The following FBN2 variants were observed in gnomAD, a reference collection of about 807,000 sequenced individuals.
FBN2 encodes fibrillin-2.
A neutral mutation model predicts 355.6 loss-of-function variants in FBN2; 105 were observed. The ratio of observed to expected loss-of-function variants is 0.30; its 90% confidence interval spans 0.25 to 0.35. The LOEUF (loss-of-function observed/expected upper bound fraction) is 0.35. Ranked by LOEUF, FBN2 falls within the 10% of genes least tolerant of loss-of-function variation. FBN2 has a pLI of 1.00. For missense variants in FBN2, 3,280 were observed against 3,758.7 expected, an observed-to-expected ratio of 0.87 and a Z score of 3.33; for synonymous variants, 1,350 against 1,301.2, an observed-to-expected ratio of 1.04 and a Z score of -0.81.
chr5:128,312,765 A>G lies in FBN2; in HGVS notation c.4748T>C (p.Phe1583Ser), dbSNP rs1437911516. 3.1e-6 allele frequency: 5 copies of G among 1,613,744 alleles called. No homozygotes were observed. Among genetic ancestry groups the G allele is most frequent in the Non-Finnish European group, 4.2e-6 (5 of 1,180,002 alleles). The change falls in exon 37 of 65, where the codon TTT becomes TCT. Residue 1583 changes from phenylalanine (F) to serine (S), a missense_variant. By Grantham distance (155) the Phe-to-Ser change is radical. This residue lies in a region of FBN2 where 2,284 missense variants were observed against 2,749.5 expected (regional missense o/e 0.83). Transcript: ENST00000262464. ...CAGACTCCCATCTCCTCGAGGTCCA[A>G]ACTTCAGGTAGCAGTTGCCCACACG... ...DNRVGNCYLK[F>S]GPRGDGSLSC... is the part of the protein sequence containing the mutation.
At chr5:128,484,530 A>G (rs1428522234) in intron 5 of FBN2, among the ~76,000 whole-genome samples, 1 of 152,246 alleles carries the variant, frequency 6.6e-6, no homozygotes, top group African/African-American at 2.4e-5. Flanking sequence ...AAGAGAATAC[A>G]AATGGTTGGT....
At chr5:128,431,507 A>G (rs1264699468) in intron 7 of FBN2, among the ~76,000 whole-genome samples, 1 of 152,214 alleles carries the variant, frequency 6.6e-6, no homozygotes, top group African/African-American at 2.4e-5. Flanking sequence ...TTGAGGTACA[A>G]CAGCAAAACC....
chr5:128,384,575 C>T (rs1396477), intron 11 of FBN2, among the ~76,000 whole-genome samples: 16,294 of 152,048 alleles, frequency 0.11, 1,004 homozygotes, highest in African/African-American at 0.16. Context: ...TCATGAACAC[C>T]TATGATATAA....
At chr5:128,262,672 C>T (rs779015888) in intron 63 of FBN2, among the ~76,000 whole-genome samples, 1 of 152,114 alleles carries the variant, frequency 6.6e-6, no homozygotes, top group Non-Finnish European at 1.5e-5. Flanking sequence ...GTAGACCAAG[C>T]CTTTTGTTTT....
chr5:128,318,057 C>T (rs2126853560), intron 36 of FBN2, 92 bp downstream of exon 36: 1 of 1,349,200 alleles, frequency 7.4e-7, no homozygotes, highest in East Asian at 2.3e-5. Flanking sequence ...TTTAAGTTAA[C>T]TGTAGCAAAC....
intron 6 of FBN2, among the ~76,000 whole-genome samples, chr5:128,448,097 G>C (rs987998411): frequency 1.3e-5 from 2 of 152,056 alleles, no homozygotes; most frequent in Non-Finnish European, 2.9e-5. Context: ...GGACATTGAG[G>C]ACTCAGATTC....
Position 128,530,594 on chromosome 5 carries a change from C to A in FBN2, c.436+1G>T. 1 of 1,604,210 alleles carries A rather than the reference C, an allele frequency of 6.2e-7. No homozygotes were observed. Among genetic ancestry groups the A allele is most frequent in the Non-Finnish European group, 8.5e-7 (1 of 1,171,150 alleles). The stretch of plus-strand genomic sequence containing the variant: ...GAAAAGGCCACAAGTAAGAAACATA[C>A]TTGATTTTGATCCACAGGTTGATGA... On this transcript the variant is annotated splice_donor_variant, in intron 3 of 64. Transcript: ENST00000262464. LOFTEE classifies it high-confidence loss of function.
chr5:128,464,007 A>G (rs1195183291), intron 6 of FBN2, among the ~76,000 whole-genome samples: 1 of 152,242 alleles, frequency 6.6e-6, no homozygotes, highest in Non-Finnish European at 1.5e-5. Flanking sequence ...GATTTAAGAC[A>G]TTTGATATCA....
At chr5:128,443,610 C>A (rs1293816085) in intron 7 of FBN2, among the ~76,000 whole-genome samples, 1 of 152,128 alleles carries the variant, frequency 6.6e-6, no homozygotes, top group Non-Finnish European at 1.5e-5. Flanking sequence ...AAGGATACCA[C>A]CATTTTCCTA....
intron 63 of FBN2, among the ~76,000 whole-genome samples, chr5:128,263,162 A>T (rs1305057855): frequency 2.0e-5 from 3 of 152,230 alleles, no homozygotes; most frequent in South Asian, 4.1e-4. Context: ...AATTGAATCA[A>T]TTCAGGCCCT....
chr5:128,466,963 TG>T (rs1342697960), intron 5 of FBN2, among the ~76,000 whole-genome samples: 1 of 152,156 alleles, frequency 6.6e-6, no homozygotes, highest in Non-Finnish European at 1.5e-5. Context: ...TCTGAATACG[TG>T]GGGAAAAGTC....
intron 20 of FBN2, among the ~76,000 whole-genome samples, chr5:128,352,048 T>C (rs1383099159): frequency 6.6e-6 from 1 of 152,192 alleles, no homozygotes; most frequent in Non-Finnish European, 1.5e-5. Context: ...GTATGTTCTG[T>C]TATGCAAAGG....
At chr5:128,288,991 G>A (rs1001490127) in intron 52 of FBN2, 136 bp downstream of exon 52, 7 of 852,236 alleles carry the variant, frequency 8.2e-6, no homozygotes, top group Admixed American at 8.0e-5. Flanking sequence ...TAAGACTGGT[G>A]AAGAAGGTGC....
At chr5:128,423,785 C>G (rs1481513786) in intron 7 of FBN2, among the ~76,000 whole-genome samples, 1 of 152,068 alleles carries the variant, frequency 6.6e-6, no homozygotes, top group Non-Finnish European at 1.5e-5. Flanking sequence ...GGTAGTTGTG[C>G]TGCAGTGTGG....
At chr5:128,438,884 C>G (rs1753845130) in intron 7 of FBN2, among the ~76,000 whole-genome samples, 1 of 152,086 alleles carries the variant, frequency 6.6e-6, no homozygotes. Flanking sequence ...ATTCCTTTTT[C>G]CAAGCCAGAC....
Position 128,369,333 on chromosome 5 carries a change from A to C in FBN2, c.2097T>G (p.Asp699Glu). The change falls in exon 16 of 65, where the codon GAT becomes GAG. Residue 699 changes from aspartate to glutamate, a missense_variant and splice_region_variant. Physicochemically the swap from Asp to Glu is conservative, Grantham distance 45. Coordinates refer to ENST00000262464, the MANE Select transcript of FBN2 (RefSeq NM_001999.4). ...AVGMDGRVCVDTHMRSTCYGG... is the reference protein window; with the variant it reads ...AVGMDGRVCVETHMRSTCYGG... ...CATAGCAGGTACTGCGCATGTGAGT[A>C]TCTAAAGGAGATACAAAAACAATGA... 1 of 1,614,098 alleles carries C rather than the reference A, an allele frequency of 6.2e-7. No homozygotes were observed.
At chr5:128,330,344 C>T (rs1750660249) in intron 33 of FBN2, among the ~76,000 whole-genome samples, 1 of 152,132 alleles carries the variant, frequency 6.6e-6, no homozygotes, top group Admixed American at 6.5e-5. Flanking sequence ...ATTAACAGTA[C>T]ATGATTGTTA....
chr5:128,293,073 C>G (rs1019221225), intron 48 of FBN2, among the ~76,000 whole-genome samples: 40 of 152,106 alleles, frequency 2.6e-4, no homozygotes, highest in African/African-American at 9.7e-4. Flanking sequence ...GTCATACCCA[C>G]TGAATGTAGG....
intron 2 of FBN2, among the ~76,000 whole-genome samples, chr5:128,534,458 C>T (rs1756793433): frequency 6.6e-6 from 1 of 152,172 alleles, no homozygotes; most frequent in African/African-American, 2.4e-5. Flanking sequence ...ATTTTGTGCA[C>T]TGTTTAATAA....
Sources: gnomAD v4.1 joint callset for allele counts (sites outside exome capture counted in the v4.1 genomes callset) on GRCh38, gnomAD v4.1.1 for gene constraint, gnomAD v4.1.1 regional missense constraint, MANE v1.5 for transcripts, NCBI Gene and HGNC (gene_info 2026-07-23, HGNC 2026-07-21) for gene names.